The following PDZRN4 variants were observed in gnomAD, a reference collection of about 807,000 sequenced individuals.
PDZRN4 encodes PDZ domain containing ring finger 4, also known as PDZ domain-containing RING finger protein 4.
PDZRN4 carries 70 observed loss-of-function variants against 99.0 expected under a neutral mutation model. The ratio of observed to expected loss-of-function variants is 0.71; its 90% CI spans 0.58 to 0.86. PDZRN4 has a LOEUF of 0.86. Ranked by LOEUF, PDZRN4 falls within the 40% of genes least tolerant of loss-of-function variation. The pLI is 0.00. For missense variants in PDZRN4, 1,474 were observed against 1,331.2 expected, an observed-to-expected ratio of 1.11 and a Z score of -1.67; for synonymous variants, 551 against 501.6, an observed-to-expected ratio of 1.10 and a Z score of -1.32.
intron 3 of PDZRN4, among the ~76,000 whole-genome samples, chr12:41,407,800 TA>T (rs1163402246): frequency 6.6e-6 from 1 of 152,196 alleles, no homozygotes; most frequent in Non-Finnish European, 1.5e-5. Flanking sequence ...TTCACATTTT[TA>T]AATTCTGCGA....
intron 3 of PDZRN4, among the ~76,000 whole-genome samples, chr12:41,260,102 C>A (rs991841537): frequency 6.6e-6 from 1 of 152,134 alleles, no homozygotes; most frequent in Non-Finnish European, 1.5e-5. Flanking sequence ...ATCAAAAATA[C>A]TGAAAGCAAT....
intron 5 of PDZRN4, among the ~76,000 whole-genome samples, chr12:41,529,216 CGT>C (rs71434370): frequency 0.2 from 30,164 of 148,390 alleles, 3,692 homozygotes; most frequent in African/African-American, 0.37. Flanking sequence ...TGCATGTGCA[CGT>C]GTGTGTGTGT....
At chr12:41,226,120 A>G (rs1045254686) in intron 3 of PDZRN4, among the ~76,000 whole-genome samples, 2 of 151,924 alleles carry the variant, frequency 1.3e-5, no homozygotes, top group Non-Finnish European at 2.9e-5. Context: ...AATTGCCTGG[A>G]GAATGATGTG....
chr12:41,356,144 A>G (rs1420321024), intron 3 of PDZRN4, among the ~76,000 whole-genome samples: 2 of 152,018 alleles, frequency 1.3e-5, no homozygotes, highest in Non-Finnish European at 1.5e-5. Flanking sequence ...GAATAAACAT[A>G]AACTAAGCAC....
At chr12:41,313,617 T>C (rs1951621083) in intron 3 of PDZRN4, among the ~76,000 whole-genome samples, 1 of 152,160 alleles carries the variant, frequency 6.6e-6, no homozygotes, top group Non-Finnish European at 1.5e-5. Flanking sequence ...CTTTCTTGAC[T>C]CTCCAAGAGA....
chr12:41,320,585 A>C (rs78614550), intron 3 of PDZRN4, among the ~76,000 whole-genome samples: 1,525 of 152,288 alleles, frequency 0.01, 26 homozygotes, highest in African/African-American at 0.035. Context: ...GACCCTGGGC[A>C]CCTGGTCAGA....
At chr12:41,414,519 A>T (rs1474176332) in intron 3 of PDZRN4, among the ~76,000 whole-genome samples, 1 of 152,138 alleles carries the variant, frequency 6.6e-6, no homozygotes, top group Non-Finnish European at 1.5e-5. Context: ...GTTCATTTTT[A>T]AAAATTATTT....
At position 41,272,559 on chromosome 12, in the gene PDZRN4, A is replaced by G. The variant is rs549271243; in HGVS notation, c.843+78371A>G. ...GATTTAATTGCCTCAATAAATATAT[A>G]CCTATACTATCAGTTATTTCTAACT... is the stretch of plus-strand genomic sequence containing the variant. On this transcript the variant is annotated intron_variant, in intron 3 of 9. Coordinates refer to ENST00000402685, the MANE Select transcript of PDZRN4 (RefSeq NM_001164595.2). Among the ~76,000 whole-genome samples, 175 of 152,156 alleles carry G rather than the reference A, an allele frequency of 1.2e-3. 2 individuals carry two copies. The highest frequency in any genetic ancestry group is 1.5e-3 in the Non-Finnish European group (100 of 67,936).
chr12:41,234,243 A>T (rs564198840), intron 3 of PDZRN4, among the ~76,000 whole-genome samples: 4 of 152,232 alleles, frequency 2.6e-5, no homozygotes, highest in African/African-American at 9.6e-5. Flanking sequence ...TTTACCTTCA[A>T]AACATGTACA....
intron 3 of PDZRN4, among the ~76,000 whole-genome samples, chr12:41,309,463 A>C (rs1286584795): frequency 6.6e-6 from 1 of 152,132 alleles, no homozygotes; most frequent in African/African-American, 2.4e-5. Context: ...AGATAACAGC[A>C]TTAATCCATT....
Position 41,572,709 on chromosome 12 carries a change from G to A in PDZRN4, c.1930G>A (p.Asp644Asn), listed in dbSNP as rs1939504013. 1.2e-6 allele frequency: 2 copies of A among 1,613,918 alleles called. No individual in the cohort carries two copies. Among genetic ancestry groups the A allele is most frequent in the Non-Finnish European group, 1.7e-6 (2 of 1,179,962 alleles). ...KCKIRNHGEY[D>N]LYYSSSTIEC... ...CAAGATTCGAAATCATGGAGAGTAT[G>A]ACCTGTATTACTCAAGCAGCACAAT... The change falls in exon 10 of 10, where the codon GAC (aspartate) becomes AAC (asparagine). Residue 644 changes from aspartate (D) to asparagine (N), a missense_variant. By Grantham distance (23) the Asp-to-Asn change is conservative. Coordinates refer to ENST00000402685, the MANE Select transcript of PDZRN4 (RefSeq NM_001164595.2).
chr12:41,409,595 G>A lies in PDZRN4; in HGVS notation c.844-96861G>A, dbSNP rs12317076. The A allele has an allele frequency of 6.7e-3, 1,015 of 152,252 alleles. 13 individuals carry two copies. Among genetic ancestry groups the A allele is most frequent in the African/African-American group, 0.023 (969 of 41,554 alleles). 9.4% of individuals were successfully genotyped at this position (152,252 alleles called of 1,614,324 possible). On this transcript the variant is annotated intron_variant, in intron 3 of 9. Transcript: ENST00000402685. The stretch of plus-strand genomic sequence containing the variant: ...TGAAGATTCAGAAATACCAACGTAT[G>A]AAAGTCTTCTTTGTATTCTCAATAA...
chr12:41,309,300 G>C (rs1438937519), intron 3 of PDZRN4, among the ~76,000 whole-genome samples: 1 of 152,142 alleles, frequency 6.6e-6, no homozygotes, highest in African/African-American at 2.4e-5. Context: ...AGTTCTGGAG[G>C]CTGGATAGTC....
chr12:41,199,579 C>G (rs1165727695), intron 3 of PDZRN4, among the ~76,000 whole-genome samples: 1 of 152,160 alleles, frequency 6.6e-6, no homozygotes, highest in Non-Finnish European at 1.5e-5. Context: ...CAGCACCATT[C>G]ACAATAGCAA....
At chr12:41,515,342 T>A (rs1938383122) in intron 5 of PDZRN4, among the ~76,000 whole-genome samples, 1 of 152,030 alleles carries the variant, frequency 6.6e-6, no homozygotes, top group South Asian at 2.1e-4. Context: ...ACTTAGTCCC[T>A]TTTCTTCCGC....
intron 3 of PDZRN4, among the ~76,000 whole-genome samples, chr12:41,311,018 A>G (rs908144260): frequency 2.6e-5 from 4 of 152,168 alleles, no homozygotes; most frequent in Non-Finnish European, 2.9e-5. Flanking sequence ...TTCAGCACAG[A>G]TAACAACTAT....
chr12:41,273,322 G>A (rs1420965492), intron 3 of PDZRN4, among the ~76,000 whole-genome samples: 1 of 152,044 alleles, frequency 6.6e-6, no homozygotes, highest in African/African-American at 2.4e-5. Context: ...AAGACAGTAT[G>A]CTGGCAAGCG....
intron 3 of PDZRN4, among the ~76,000 whole-genome samples, chr12:41,432,861 C>T (rs186778779): frequency 1.3e-5 from 2 of 152,088 alleles, no homozygotes; most frequent in Admixed American, 6.6e-5. Flanking sequence ...GAGATGTAGA[C>T]GTGTATAGAG....
chr12:41,489,264 C>T (rs574352296), intron 3 of PDZRN4, among the ~76,000 whole-genome samples: 1 of 151,944 alleles, frequency 6.6e-6, no homozygotes, highest in African/African-American at 2.4e-5. Context: ...TGGGTGGGGG[C>T]AGAGGTGTGC....
Sources: allele counts gnomAD v4.1 joint callset (sites outside exome capture counted in the v4.1 genomes callset), GRCh38; gene constraint gnomAD v4.1.1; transcripts MANE v1.5; gene names NCBI Gene and HGNC (gene_info 2026-07-23, HGNC 2026-07-21).